CPVL: variants seen among roughly 807,000 people sequenced by gnomAD.
CPVL encodes the protein carboxypeptidase vitellogenic like.
CPVL carries 51 observed loss-of-function variants against 63.7 expected under a neutral mutation model. The ratio of observed to expected loss-of-function variants is 0.80; its 90% CI spans 0.64 to 1.01. The LOEUF is 1.01. Among genes scored for constraint, CPVL ranks in the 50% least tolerant of loss-of-function variants. CPVL has a pLI of 0.00. For synonymous variants in CPVL, 195 were observed against 206.0 expected (o/e 0.95, Z 0.46); for missense variants, 530 against 573.1 (o/e 0.92, Z 0.77).
At chr7:29,146,682 A>G (rs986047830), upstream of CPVL, 3 of 1,550,570 alleles carry the variant, frequency 1.9e-6, no homozygotes, top group Non-Finnish European at 2.6e-6. Flanking sequence ...ATGCTGGAAG[A>G]AGCAAGCAGC....
At chr7:29,140,613 C>G (rs1461916775) in intron 1 of CPVL, among the ~76,000 whole-genome samples, 1 of 152,176 alleles carries the variant, frequency 6.6e-6, no homozygotes, top group Non-Finnish European at 1.5e-5. Flanking sequence ...AATCCTATTA[C>G]TCACTATACA....
At chr7:29,146,855 C>T, upstream of CPVL, 2 of 1,551,120 alleles carry the variant, frequency 1.3e-6, no homozygotes, top group Non-Finnish European at 1.7e-6. Context: ...CTAGGACTTA[C>T]TTGCAAGCCC....
At chr7:29,018,151 C>T (rs1418825985) in intron 12 of CPVL, among the ~76,000 whole-genome samples, 1 of 152,000 alleles carries the variant, frequency 6.6e-6, no homozygotes, top group African/African-American at 2.4e-5. Context: ...AGAAGCTACA[C>T]CCAGTAAGAT....
intron 12 of CPVL, among the ~76,000 whole-genome samples, chr7:29,005,372 C>T (rs986360325): frequency 6.6e-6 from 1 of 152,066 alleles, no homozygotes; most frequent in African/African-American, 2.4e-5. Flanking sequence ...CATTACTGTA[C>T]TTTTTCAGAA....
chr7:29,092,546 A>C (rs1785924628), intron 6 of CPVL, 77 bp downstream of exon 6: 11 of 1,007,718 alleles, frequency 1.1e-5, no homozygotes, highest in Non-Finnish European at 1.7e-5. Context: ...AAAAATTCCA[A>C]CACTAGAATA....
At chr7:29,016,472 T>C (rs1444716823) in intron 12 of CPVL, among the ~76,000 whole-genome samples, 2 of 152,138 alleles carry the variant, frequency 1.3e-5, no homozygotes, top group Non-Finnish European at 2.9e-5. Context: ...CCCCTCCAAT[T>C]GGTGAGGGCT....
chr7:29,103,795 C>T (rs1427513107), intron 3 of CPVL, among the ~76,000 whole-genome samples: 2 of 152,172 alleles, frequency 1.3e-5, no homozygotes, highest in African/African-American at 2.4e-5. Flanking sequence ...AATGGCACTG[C>T]TTAAGATGAG....
chr7:29,039,035 T>C (rs892887606), intron 11 of CPVL, among the ~76,000 whole-genome samples: 1 of 151,718 alleles, frequency 6.6e-6, no homozygotes, highest in Non-Finnish European at 1.5e-5. Context: ...ATGCTTCAGA[T>C]TTTTTTTTAA....
chr7:29,142,053 T>C (rs1395524325), intron 1 of CPVL, among the ~76,000 whole-genome samples: 1 of 152,184 alleles, frequency 6.6e-6, no homozygotes, highest in Non-Finnish European at 1.5e-5. Flanking sequence ...TTATTTAACT[T>C]TCTCTTCTTC....
At chr7:29,082,159 T>G (rs981734653) in intron 7 of CPVL, among the ~76,000 whole-genome samples, 1 of 151,946 alleles carries the variant, frequency 6.6e-6, no homozygotes, top group East Asian at 1.9e-4. Context: ...AATTTTTTTT[T>G]GTGTGGTGGC....
At chr7:29,185,585 A>G (rs570911100) in exon 3 of CPVL, 2 of 151,352 alleles carry the variant, frequency 1.3e-5, no homozygotes, top group Non-Finnish European at 2.9e-5. Flanking sequence ...CCTTAGCAGC[A>G]TATCAAAATC....
At chr7:29,081,739 T>C (rs938166450) in intron 7 of CPVL, among the ~76,000 whole-genome samples, 15 of 152,350 alleles carry the variant, frequency 9.8e-5, no homozygotes, top group South Asian at 6.2e-4. Flanking sequence ...CATAATATAT[T>C]AGCCCAGCTT....
At chr7:29,091,392 C>T (rs960334931) in intron 6 of CPVL, among the ~76,000 whole-genome samples, 1 of 142,702 alleles carries the variant, frequency 7.0e-6, no homozygotes, top group Non-Finnish European at 1.5e-5. Context: ...GGATTTAAAC[C>T]AAAGAGGGAT....
At chr7:29,184,380 A>T (rs1235044771) in intron 4 of CPVL, 1 of 152,046 alleles carries the variant, frequency 6.6e-6, no homozygotes, top group Non-Finnish European at 1.5e-5. Flanking sequence ...ACTGTATGAG[A>T]TATACAGATA....
intron 3 of CPVL, among the ~76,000 whole-genome samples, chr7:29,097,718 C>T (rs1786585158): frequency 6.6e-6 from 1 of 152,068 alleles, no homozygotes; most frequent in Non-Finnish European, 1.5e-5. Context: ...TAATTAAAGA[C>T]AATGATTGGA....
chr7:29,005,976 G>T (rs1283813055), intron 12 of CPVL, among the ~76,000 whole-genome samples: 1 of 152,180 alleles, frequency 6.6e-6, no homozygotes, highest in African/African-American at 2.4e-5. Flanking sequence ...AAATGCTCTC[G>T]CCAGGAGTGC....
intron 2 of CPVL, among the ~76,000 whole-genome samples, chr7:29,119,295 T>C (rs938842452): frequency 6.6e-6 from 1 of 152,154 alleles, no homozygotes; most frequent in Non-Finnish European, 1.5e-5. Context: ...GAGACAAGCT[T>C]GGCCAACAAG....
rs963041132 is a variant in CPVL, at chr7:29,059,916, C to T, written c.1137+4145G>A. Among the ~76,000 whole-genome samples the T allele has an allele frequency of 2.0e-5, 3 of 152,162 alleles. No individual in the cohort carries two copies. In the East Asian group the frequency reaches 5.8e-4, roughly 29 times the overall value. ...CTCTCTCTCTAATTTTGGAGGGCAG[C>T]AATTTGCCCTGTGACCTCAGTTTCA... is the stretch of plus-strand genomic sequence containing the variant. On this transcript the variant is annotated intron_variant, in intron 11 of 12. Transcript: ENST00000265394.
At chr7:29,160,219 A>AC (rs1223458532) in intron 5 of CPVL, among the ~76,000 whole-genome samples, 3 of 152,154 alleles carry the variant, frequency 2.0e-5, no homozygotes. Context: ...TGTACTGGCC[A>AC]CCCACAGTGT....
Sources: allele counts gnomAD v4.1 joint callset (sites outside exome capture counted in the v4.1 genomes callset), GRCh38; gene constraint gnomAD v4.1.1; transcripts MANE v1.5; gene names NCBI Gene and HGNC (gene_info 2026-07-23, HGNC 2026-07-21).